CLPB: variants seen among roughly 807,000 people sequenced by gnomAD.
CLPB encodes the protein ClpB family mitochondrial disaggregase, also known as mitochondrial disaggregase.
A neutral mutation model predicts 78.4 loss-of-function variants in CLPB; 40 were observed. The ratio of observed to expected loss-of-function variants is 0.51; its 90% CI spans 0.40 to 0.66. The LOEUF is 0.66. Ranked by LOEUF, CLPB falls within the 30% of genes least tolerant of loss-of-function variation. CLPB has a pLI of 0.00. For missense variants in CLPB, 780 were observed against 886.9 expected (o/e 0.88, Z 1.53); for synonymous variants, 333 against 348.0 (o/e 0.96, Z 0.48).
chr11:72,368,742 T>G (rs571843514), intron 4 of CLPB, among the ~76,000 whole-genome samples: 3 of 152,234 alleles, frequency 2.0e-5, no homozygotes, highest in African/African-American at 7.2e-5. Context: ...ACATTCTTGA[T>G]GGACAGACAC....
At chr11:72,346,684 A>C (rs995088477) in intron 5 of CLPB, among the ~76,000 whole-genome samples, 1 of 152,072 alleles carries the variant, frequency 6.6e-6, no homozygotes, top group Non-Finnish European at 1.5e-5. Context: ...CAACATTAAA[A>C]TGGTAAGTAC....
intron 11 of CLPB, among the ~76,000 whole-genome samples, chr11:72,298,447 C>CT (rs1198878281): frequency 2.0e-5 from 3 of 152,218 alleles, no homozygotes. Context: ...AGTGTCCCCT[C>CT]TACCCCACAC....
At chr11:72,388,250 C>CT (rs60096746) in intron 3 of CLPB, among the ~76,000 whole-genome samples, 7,130 of 138,090 alleles carry the variant, frequency 0.052, 534 homozygotes, top group African/African-American at 0.16. Context: ...TTCCCTTCCC[C>CT]TTTTTTTTTT....
intron 5 of CLPB, among the ~76,000 whole-genome samples, chr11:72,344,216 C>A (rs60432858): frequency 1.3e-5 from 2 of 151,832 alleles, no homozygotes; most frequent in African/African-American, 4.8e-5. Flanking sequence ...CTTAAAAAAA[C>A]ATATTTTTTT....
chr11:72,354,272 T>C, intron 5 of CLPB: 1 of 391,904 alleles, frequency 2.6e-6, no homozygotes, highest in Non-Finnish European at 4.4e-6. Flanking sequence ...AAGATGTGTG[T>C]GTGTGTATAT....
intron 2 of CLPB, among the ~76,000 whole-genome samples, chr11:72,407,443 G>A (rs146002558): frequency 1.3e-5 from 2 of 152,264 alleles, no homozygotes; most frequent in Non-Finnish European, 2.9e-5. Context: ...TTTGTTATAC[G>A]CATGTTTGCA....
rs1949406389 is a variant in CLPB, at chr11:72,287,705, C to A, written c.*5662G>T. 1 of 152,194 alleles carries A rather than the reference C, an allele frequency of 6.6e-6. No homozygotes were observed. 9.4% of individuals were successfully genotyped at this position (152,194 alleles called of 1,614,324 possible). ...AAAATTTTAACCACCTTTCCAGTTT[C>A]TTCTTGGGTAACCAACTGGCCTATT... On this transcript the variant is annotated 3_prime_UTR_variant, in exon 16 of 16. Transcript: ENST00000538039.
intron 2 of CLPB, among the ~76,000 whole-genome samples, chr11:72,426,563 G>A (rs1044516059): frequency 1.3e-5 from 2 of 152,126 alleles, no homozygotes; most frequent in African/African-American, 2.4e-5. Context: ...GGGAGGGAGC[G>A]AGGGAGGGAG....
At chr11:72,300,680 C>T (rs1221239893) in intron 11 of CLPB, among the ~76,000 whole-genome samples, 1 of 152,146 alleles carries the variant, frequency 6.6e-6, no homozygotes. Context: ...GAGGAGTCCC[C>T]TCCCTGTGGC....
chr11:72,428,157 C>T (rs550998998), intron 2 of CLPB, among the ~76,000 whole-genome samples: 3 of 152,258 alleles, frequency 2.0e-5, no homozygotes, highest in Admixed American at 1.3e-4. Context: ...CCAGCAGAGG[C>T]CCACTCACTC....
In CLPB at chr11:72,293,499, T is replaced by G. The variant is rs776395544; in HGVS notation, c.1902A>C (p.Pro634=). The change falls in exon 16 of 16, where the codon CCA becomes CCC. Residue 634 remains proline (P), a synonymous_variant. Coordinates refer to ENST00000538039, the MANE Select transcript of CLPB (RefSeq NM_001258392.3). The part of the protein sequence containing the change: ...EDSDKQLLKS[P]ELPSPQAEKR... ...TCTCAGCCTGGGGTGAGGGCAGTTC[T>G]GGGCTTTTGAGTAGCTGCTTGTCTG... 2 of 1,614,178 alleles carry G rather than the reference T, an allele frequency of 1.2e-6. No individual in the cohort carries two copies. The highest frequency in any genetic ancestry group is 1.7e-6 in the Non-Finnish European group (2 of 1,180,020).
At chr11:72,428,360 A>T (rs946446736) in intron 2 of CLPB, among the ~76,000 whole-genome samples, 2 of 151,998 alleles carry the variant, frequency 1.3e-5, no homozygotes, top group Non-Finnish European at 2.9e-5. Flanking sequence ...CTGCTCAAAA[A>T]CTTCCCACGT....
chr11:72,324,863 G>A (rs951992273), intron 6 of CLPB, among the ~76,000 whole-genome samples: 45 of 152,286 alleles, frequency 3.0e-4, no homozygotes, highest in Admixed American at 1.8e-3. Flanking sequence ...CCTGGAATGC[G>A]GGCCCAGGGG....
At chr11:72,346,988 TAAAAAAAAAAA>T (rs60688188) in intron 5 of CLPB, among the ~76,000 whole-genome samples, 2 of 60,184 alleles carry the variant, frequency 3.3e-5, no homozygotes, top group African/African-American at 1.0e-4. Context: ...TCTCAAAAAT[TAAAAAAAAAAA>T]AAAAAAAAAA....
intron 5 of CLPB, among the ~76,000 whole-genome samples, chr11:72,358,613 C>T (rs914155094): frequency 1.3e-5 from 2 of 152,158 alleles, no homozygotes; most frequent in Admixed American, 1.3e-4. Flanking sequence ...TGGTGTATCA[C>T]ACCACATATA....
At chr11:72,416,373 C>A (rs1274094547) in intron 2 of CLPB, among the ~76,000 whole-genome samples, 1 of 152,138 alleles carries the variant, frequency 6.6e-6, no homozygotes, top group East Asian at 1.9e-4. Flanking sequence ...CAAAGGTCAT[C>A]ATGATACATT....
Position 72,286,234 on chromosome 11 carries a change from T to TTTTTTTTTTTTTTTTTG in CLPB, c.*7132_*7133insCAAAAAAAAAAAAAAAA, listed in dbSNP as rs1565413682. The TTTTTTTTTTTTTTTTTG allele has an allele frequency of 1.6e-5, 2 of 128,936 alleles. No homozygotes were observed. The highest frequency in any genetic ancestry group is 7.3e-5 in the Admixed American group (1 of 13,642). The allele number at this position is 128,936 out of a possible 1,614,324, so 8.0% of individuals were successfully genotyped here. On this transcript the variant is annotated 3_prime_UTR_variant, in exon 16 of 16. Coordinates refer to ENST00000538039, the MANE Select transcript of CLPB (RefSeq NM_001258392.3). ...GAGATACTGCACCTGTTTTTTTTTT[T>TTTTTTTTTTTTTTTTTG]TTTTTTTTTTTTAAGAGATAGGGTG... is the stretch of plus-strand genomic sequence containing the variant.
chr11:72,407,672 A>G (rs1355128970), intron 2 of CLPB, among the ~76,000 whole-genome samples: 1 of 147,426 alleles, frequency 6.8e-6, no homozygotes, highest in East Asian at 2.0e-4. Context: ...TTTGAGATGG[A>G]GTCTCGTTCT....
rs984084877 is a variant in CLPB, at chr11:72,414,158, G to A, written c.456-11106C>T. ...TCCCCAGGCAGTGTGTGCCAAGGCT[G>A]AGACTGAATAAAACACGGAAGTCCA... On this transcript the variant is annotated intron_variant, in intron 2 of 15. Transcript: ENST00000538039. Among the ~76,000 whole-genome samples the A allele has an allele frequency of 2.6e-5, 4 of 152,302 alleles. No homozygotes were observed. The South Asian group carries it at 8.3e-4, about 32-fold the overall frequency.
Sources: allele counts gnomAD v4.1 joint callset (sites outside exome capture counted in the v4.1 genomes callset), GRCh38; gene constraint gnomAD v4.1.1; transcripts MANE v1.5; gene names NCBI Gene and HGNC (gene_info 2026-07-23, HGNC 2026-07-21).